The following CFAP20DC variants were observed in gnomAD, a reference collection of about 807,000 sequenced individuals.
The protein encoded by CFAP20DC is CFAP20 domain containing.
Under a neutral mutation model 101.7 loss-of-function variants are expected in CFAP20DC, and 84 were observed. The ratio of observed to expected loss-of-function variants is 0.83; its 90% CI spans 0.69 to 0.99. CFAP20DC has a LOEUF of 0.99. Ranked by LOEUF, CFAP20DC falls within the 50% of genes least tolerant of loss-of-function variation. The pLI, the probability that CFAP20DC is intolerant of heterozygous loss-of-function variation, is 0.00. For synonymous variants in CFAP20DC, 359 were observed against 351.2 expected, an observed-to-expected ratio of 1.02 and a Z score of -0.25; for missense variants, 1,007 against 970.3, an observed-to-expected ratio of 1.04 and a Z score of -0.50.
At chr3:58,821,633 A>C (rs201538531) in intron 14 of CFAP20DC, among the ~76,000 whole-genome samples, 8,084 of 150,074 alleles carry the variant, frequency 0.054, 472 homozygotes, top group East Asian at 0.34. Context: ...ATCATTAAAA[A>C]GTCAGGAAAC....
At chr3:58,826,604 C>T (rs191584995) in intron 14 of CFAP20DC, among the ~76,000 whole-genome samples, 44 of 152,246 alleles carry the variant, frequency 2.9e-4, no homozygotes, top group Non-Finnish European at 5.4e-4. Flanking sequence ...TGGTTTCCGG[C>T]TTCATCCATG....
At chr3:58,787,193 T>C (rs953939865) in intron 15 of CFAP20DC, among the ~76,000 whole-genome samples, 1 of 151,688 alleles carries the variant, frequency 6.6e-6, no homozygotes, top group African/African-American at 2.4e-5. Flanking sequence ...TGATACAAGA[T>C]TTCATAAAAA....
At chr3:58,979,359 A>T (rs2092421256) in intron 4 of CFAP20DC, among the ~76,000 whole-genome samples, 1 of 152,242 alleles carries the variant, frequency 6.6e-6, no homozygotes, top group African/African-American at 2.4e-5. Flanking sequence ...GATTGAATGC[A>T]ATAATGTATG....
intron 4 of CFAP20DC, among the ~76,000 whole-genome samples, chr3:58,967,800 C>A (rs2091679057): frequency 6.6e-6 from 1 of 152,158 alleles, no homozygotes; most frequent in African/African-American, 2.4e-5. Context: ...CAGATTATTT[C>A]ATCACCCAGG....
intron 6 of CFAP20DC, among the ~76,000 whole-genome samples, chr3:58,907,665 G>C (rs970915118): frequency 2.6e-5 from 4 of 152,128 alleles, no homozygotes; most frequent in Admixed American, 6.5e-5. Context: ...TGTCTTAGGC[G>C]CTACAATACC....
At chr3:59,037,782 A>G (rs773469367) in intron 4 of CFAP20DC, among the ~76,000 whole-genome samples, 1 of 152,182 alleles carries the variant, frequency 6.6e-6, no homozygotes, top group African/African-American at 2.4e-5. Context: ...CCTGGTATAT[A>G]CCCAAAGGAT....
At position 58,869,603 on chromosome 3, in the gene CFAP20DC, A is replaced by C. The variant is rs1451727650; in HGVS notation, c.853-113T>G. On this transcript the variant is annotated intron_variant, in intron 8 of 16. Transcript: ENST00000482387. This position sits in a 1 kb window ranked among gnomAD's most constrained non-coding sequence, Gnocchi z 4.3. ...CAATGAAGAGTGAGAAAAAAACTAGAGGAAATGAGGTTAAGATGTGAAGAA... is the reference window on the plus strand; with the variant it reads ...CAATGAAGAGTGAGAAAAAAACTAGCGGAAATGAGGTTAAGATGTGAAGAA... 1 of 731,910 alleles carries C rather than the reference A, an allele frequency of 1.4e-6. No individual in the cohort carries two copies. Among genetic ancestry groups the C allele is most frequent in the Non-Finnish European group, 2.1e-6 (1 of 482,722 alleles). 45.3% of individuals were successfully genotyped at this position (731,910 alleles called of 1,614,324 possible). A position where few individuals can be genotyped will look rare whatever the true frequency, so the allele number is the denominator to read the frequency against.
chr3:58,835,116 T>C (rs939656160), intron 13 of CFAP20DC, among the ~76,000 whole-genome samples: 1 of 152,120 alleles, frequency 6.6e-6, no homozygotes, highest in Non-Finnish European at 1.5e-5. Flanking sequence ...CAGTCTTTCA[T>C]CCATTCTGTA....
chr3:59,042,295 C>T (rs147989243), intron 3 of CFAP20DC, among the ~76,000 whole-genome samples: 25 of 152,070 alleles, frequency 1.6e-4, no homozygotes, highest in East Asian at 1.2e-3. Context: ...CAGCAGGAGA[C>T]GGGTTTGGCA....
intron 13 of CFAP20DC, among the ~76,000 whole-genome samples, chr3:58,842,648 G>C (rs1457012905): frequency 6.6e-6 from 1 of 152,238 alleles, no homozygotes; most frequent in African/African-American, 2.4e-5. Context: ...AGCTCTAACT[G>C]GGTGGAGCCC....
chr3:58,718,915 A>G (rs186749623), intron 3 of CFAP20DC, among the ~76,000 whole-genome samples: 1 of 152,246 alleles, frequency 6.6e-6, no homozygotes, highest in East Asian at 1.9e-4. Context: ...ATTCTTAGTA[A>G]GATGATAGTA....
intron 5 of CFAP20DC, among the ~76,000 whole-genome samples, chr3:58,918,627 A>C (rs545740073): frequency 2.0e-5 from 3 of 151,128 alleles, no homozygotes; most frequent in African/African-American, 7.4e-5. Context: ...CAAGTCACAC[A>C]GTCTATTTTT....
intron 3 of CFAP20DC, among the ~76,000 whole-genome samples, chr3:59,044,009 A>G (rs1699643312): frequency 6.6e-6 from 1 of 152,210 alleles, no homozygotes; most frequent in African/African-American, 2.4e-5. Flanking sequence ...GATAAGTAAT[A>G]TCACAATTTC....
At chr3:58,803,511 C>G (rs1426583771) in intron 15 of CFAP20DC, among the ~76,000 whole-genome samples, 1 of 152,086 alleles carries the variant, frequency 6.6e-6, no homozygotes, top group Non-Finnish European at 1.5e-5. Context: ...AAATACAGAT[C>G]TTAAGAAGAA....
At position 58,799,441 on chromosome 3, in the gene CFAP20DC, A is replaced by G. The variant is rs1203567019; in HGVS notation, c.2237+6954T>C. The stretch of plus-strand genomic sequence containing the variant: ...CAGGGCCAGGTACTAGAGACTCTTA[A>G]GGTAGAGAAGTATACAGGTGCTCAT... On this transcript the variant is annotated intron_variant, in intron 15 of 16. Coordinates refer to ENST00000482387, the MANE Select transcript of CFAP20DC (RefSeq NM_001394063.1). The surrounding 1 kb of genome is among the most constrained non-coding windows in gnomAD (Gnocchi z 4.9). Among the ~76,000 whole-genome samples the G allele has an allele frequency of 6.6e-6, 1 of 152,188 alleles. No individual in the cohort carries two copies. Among genetic ancestry groups the G allele is most frequent in the Non-Finnish European group, 1.5e-5 (1 of 68,022 alleles).
chr3:58,960,959 T>C (rs1279679240), intron 4 of CFAP20DC, among the ~76,000 whole-genome samples: 3 of 152,206 alleles, frequency 2.0e-5, no homozygotes. Context: ...AAATGGATGT[T>C]AGATTTTGTT....
At chr3:59,017,611 T>C (rs2093716937) in intron 4 of CFAP20DC, 1 of 152,182 alleles carries the variant, frequency 6.6e-6, no homozygotes, top group African/African-American at 2.4e-5. Context: ...TTTTTGGTTG[T>C]TGTTGGATAC....
At chr3:58,852,900 C>T (rs1421765752) in intron 12 of CFAP20DC, among the ~76,000 whole-genome samples, 3 of 151,352 alleles carry the variant, frequency 2.0e-5, no homozygotes, top group Admixed American at 2.0e-4. Flanking sequence ...CCAAAATTGA[C>T]ACCCTAACAT....
intron 15 of CFAP20DC, among the ~76,000 whole-genome samples, chr3:58,784,650 A>G (rs1196383903): frequency 6.6e-6 from 1 of 151,974 alleles, no homozygotes; most frequent in Non-Finnish European, 1.5e-5. Context: ...GTCTTTTTGG[A>G]AGAATGGTTT....
Sources: allele counts gnomAD v4.1 joint callset (sites outside exome capture counted in the v4.1 genomes callset), GRCh38; gene constraint gnomAD v4.1.1; non-coding constraint Gnocchi (gnomAD v3.1); transcripts MANE v1.5; gene names NCBI Gene and HGNC (gene_info 2026-07-23, HGNC 2026-07-21).